Variants in MFHAS1 observed in about 807,000 individuals in gnomAD.
The protein encoded by MFHAS1 is malignant fibrous histiocytoma-amplified sequence 1.
A neutral mutation model predicts 70.4 loss-of-function variants in MFHAS1; 50 were observed. That is an observed-to-expected ratio of 0.71 (90% CI 0.57 to 0.90). MFHAS1 has a LOEUF of 0.90. Among genes scored for constraint, MFHAS1 ranks in the 40% least tolerant of loss-of-function variants. The probability of loss-of-function intolerance (pLI) is 0.00; values close to 1 mark genes in which losing one functional copy is unlikely to be tolerated. For missense variants in MFHAS1, 1,795 were observed against 1,347.6 expected (o/e 1.33, Z -5.20); for synonymous variants, 952 against 620.0 (o/e 1.54, Z -7.96).
At chr8:8,820,439 TGACA>T (rs1806911175) in intron 1 of MFHAS1, among the ~76,000 whole-genome samples, 1 of 152,248 alleles carries the variant, frequency 6.6e-6, no homozygotes, top group African/African-American at 2.4e-5. Context: ...TTCTTTCATC[TGACA>T]GTCAGGTTAG....
intron 1 of MFHAS1, among the ~76,000 whole-genome samples, chr8:8,813,281 G>A (rs1054455110): frequency 1.3e-5 from 2 of 152,144 alleles, no homozygotes; most frequent in African/African-American, 2.4e-5. Flanking sequence ...AATAACAAAC[G>A]ACTATGTTAC....
At chr8:8,823,838 G>A (rs1396828989) in intron 1 of MFHAS1, among the ~76,000 whole-genome samples, 1 of 140,164 alleles carries the variant, frequency 7.1e-6, no homozygotes, top group Non-Finnish European at 1.5e-5. Context: ...TCGCCTCTCA[G>A]AGATGTGCCT....
intron 1 of MFHAS1, among the ~76,000 whole-genome samples, chr8:8,850,860 A>G (rs1808221706): frequency 6.6e-6 from 1 of 150,980 alleles, no homozygotes; most frequent in African/African-American, 2.4e-5. Context: ...AGATCAGGTC[A>G]GCACCCGCTA....
At chr8:8,870,127 A>T (rs532581591) in intron 1 of MFHAS1, among the ~76,000 whole-genome samples, 15 of 152,244 alleles carry the variant, frequency 9.9e-5, no homozygotes, top group African/African-American at 3.6e-4. Flanking sequence ...CCTTCTGGTG[A>T]AAAAGTGTTA....
Position 8,891,442 on chromosome 8 carries a change from T to G in MFHAS1, c.1617A>C (p.Ala539=). The change falls in exon 1 of 3, where the codon GCA becomes GCC. Residue 539 remains alanine, a synonymous_variant. Coordinates refer to ENST00000276282, the MANE Select transcript of MFHAS1 (RefSeq NM_004225.3). The surrounding 1 kb of genome is among the most constrained non-coding windows in gnomAD (Gnocchi z 5.4). ...HAVVCIVGTH[A]DLCGERELEE... ...CCAGCTCACGCTCTCCGCACAGGTCTGCGTGGGTGCCCACGATGCACACCA... is the reference window on the plus strand; with the variant it reads ...CCAGCTCACGCTCTCCGCACAGGTCGGCGTGGGTGCCCACGATGCACACCA... The G allele has an allele frequency of 6.2e-7, 1 of 1,612,992 alleles. No individual in the cohort carries two copies. Among genetic ancestry groups the G allele is most frequent in the Non-Finnish European group, 8.5e-7 (1 of 1,180,020 alleles).
At chr8:8,810,747 G>T (rs540349441) in intron 1 of MFHAS1, among the ~76,000 whole-genome samples, 15 of 152,330 alleles carry the variant, frequency 9.8e-5, no homozygotes, top group Admixed American at 9.2e-4. Context: ...GGAGTCAAAT[G>T]TTATATGTGG....
chr8:8,891,085 T>A lies in MFHAS1; in HGVS notation c.1974A>T (p.Val658=). ...CCAGCACCTGCCAGGATCGAGGCAG[T>A]ACTCTGTGTAAGTTGGGGAAGATCT... ...HREIFPNLHR[V]LPRSWQVLEE... The change falls in exon 1 of 3, where the codon GTA becomes GTT. Residue 658 remains valine (V), a synonymous_variant. Transcript: ENST00000276282. The surrounding 1 kb of genome is among the most constrained non-coding windows in gnomAD (Gnocchi z 5.4). 1.9e-6 allele frequency: 3 copies of A among 1,613,812 alleles called. No homozygotes were observed. Among genetic ancestry groups the A allele is most frequent in the Non-Finnish European group, 8.5e-7 (1 of 1,179,972 alleles).
intron 2 of MFHAS1, 28 bp downstream of exon 2, chr8:8,797,337 C>A (rs376954265): frequency 6.2e-7 from 1 of 1,610,582 alleles, no homozygotes; most frequent in South Asian, 1.1e-5. Context: ...AGCCAGGTCC[C>A]GGGGCCAGAG....
At chr8:8,786,449 CCT>C (rs1805546173) in intron 2 of MFHAS1, among the ~76,000 whole-genome samples, 2 of 152,154 alleles carry the variant, frequency 1.3e-5, no homozygotes, top group Non-Finnish European at 2.9e-5. Context: ...ACCAAATAAT[CCT>C]CTAGAAGAAG....
chr8:8,871,721 C>G (rs73524014), intron 1 of MFHAS1, among the ~76,000 whole-genome samples: 17,542 of 152,188 alleles, frequency 0.12, 1,529 homozygotes, highest in African/African-American at 0.24. Context: ...TCCCAGAGGT[C>G]CAGGCCCCCG....
intron 1 of MFHAS1, among the ~76,000 whole-genome samples, chr8:8,888,336 CCT>C (rs1809850217): frequency 6.6e-6 from 1 of 152,126 alleles, no homozygotes; most frequent in Admixed American, 6.6e-5. Context: ...TCTTGTTGTC[CCT>C]CTCTGACCAG....
At chr8:8,882,108 T>C (rs1422574044) in intron 1 of MFHAS1, among the ~76,000 whole-genome samples, 1 of 152,100 alleles carries the variant, frequency 6.6e-6, no homozygotes, top group Non-Finnish European at 1.5e-5. Flanking sequence ...AGGCCGAGCA[T>C]GGTGGCTCAC....
chr8:8,797,352 T>C lies in MFHAS1; in HGVS notation c.3125+13A>G, dbSNP rs200671699. On this transcript the variant is annotated intron_variant, in intron 2 of 2. Coordinates refer to ENST00000276282, the MANE Select transcript of MFHAS1 (RefSeq NM_004225.3). The stretch of plus-strand genomic sequence containing the variant: ...AGCCAGGTCCCGGGGCCAGAGGGAC[T>C]TTGAGAACTCACTTGGAACAGGGGC... 14 of 1,613,068 alleles carry C rather than the reference T, an allele frequency of 8.7e-6. No homozygotes were observed. Among genetic ancestry groups the C allele is most frequent in the Middle Eastern group, 1.7e-4 (1 of 6,058 alleles).
intron 1 of MFHAS1, among the ~76,000 whole-genome samples, chr8:8,847,190 T>C (rs1808068403): frequency 6.6e-6 from 1 of 152,198 alleles, no homozygotes; most frequent in Non-Finnish European, 1.5e-5. Context: ...TTTTTGTTTT[T>C]TTTCTTTTGA....
chr8:8,857,133 G>A (rs958164480), intron 1 of MFHAS1, among the ~76,000 whole-genome samples: 1 of 152,080 alleles, frequency 6.6e-6, no homozygotes, highest in African/African-American at 2.4e-5. Context: ...AACAGATTCA[G>A]TCCCTTAAGC....
At chr8:8,805,225 A>G (rs1806246189) in intron 1 of MFHAS1, among the ~76,000 whole-genome samples, 1 of 152,226 alleles carries the variant, frequency 6.6e-6, no homozygotes, top group South Asian at 2.1e-4. Context: ...TTACAAGCTT[A>G]TATAGTTGAC....
At position 8,785,998 on chromosome 8, in the gene MFHAS1, A is replaced by G. The variant is rs188044456; in HGVS notation, c.*24T>C. On this transcript the variant is annotated 3_prime_UTR_variant, in exon 3 of 3. Transcript: ENST00000276282. ...GGTGTTCAGATGCTCTCTTTTCTCC[A>G]TGGAAATTCCACAGCCACAAACGTC... 4 of 1,613,648 alleles carry G rather than the reference A, an allele frequency of 2.5e-6. No homozygotes were observed. The South Asian group carries it at 3.3e-5, about 13-fold the overall frequency.
At position 8,890,113 on chromosome 8, in the gene MFHAS1, A is replaced by G; in HGVS notation, c.2946T>C (p.Ile982=). The G allele has an allele frequency of 1.2e-6, 2 of 1,613,892 alleles. No homozygotes were observed. The highest frequency in any genetic ancestry group is 1.7e-6 in the Non-Finnish European group (2 of 1,179,896). ...EWPGLHYTVH[I]LCSKCLKRGS... The stretch of plus-strand genomic sequence containing the variant: ...CTCTCTTAAGGCACTTAGAACAGAG[A>G]ATGTGCACGGTGTAGTGCAGTCCAG... Residue 982 remains isoleucine (I), a synonymous_variant, in exon 1 of 3, where the codon ATT becomes ATC. Transcript: ENST00000276282.
chr8:8,799,082 T>C (rs1210279595), intron 1 of MFHAS1, among the ~76,000 whole-genome samples: 1 of 151,192 alleles, frequency 6.6e-6, no homozygotes, highest in Non-Finnish European at 1.5e-5. Context: ...AAAGAAATTC[T>C]AGAGACTCCA....
Sources: allele counts gnomAD v4.1 joint callset (sites outside exome capture counted in the v4.1 genomes callset), GRCh38; gene constraint gnomAD v4.1.1; non-coding constraint Gnocchi (gnomAD v3.1); transcripts MANE v1.5; gene names NCBI Gene and HGNC (gene_info 2026-07-23, HGNC 2026-07-21).